The following SLC25A18 variants were observed in gnomAD, a reference collection of about 807,000 sequenced individuals.
SLC25A18 encodes solute carrier family 25 member 18, also known as mitochondrial glutamate carrier 2.
SLC25A18 carries 24 observed loss-of-function variants against 31.1 expected under a neutral mutation model. The ratio of observed to expected loss-of-function variants is 0.77; its 90% CI spans 0.56 to 1.08. The LOEUF (loss-of-function observed/expected upper bound fraction) is 1.08. Ranked by LOEUF, SLC25A18 falls within the 50% of genes least tolerant of loss-of-function variation. SLC25A18 has a pLI of 0.00. For synonymous variants in SLC25A18, 173 were observed against 161.9 expected (o/e 1.07, Z -0.52); for missense variants, 371 against 418.5 (o/e 0.89, Z 0.99).
At chr22:17,573,232 T>C (rs1321506646) in intron 2 of SLC25A18, among the ~76,000 whole-genome samples, 2 of 152,340 alleles carry the variant, frequency 1.3e-5, no homozygotes, top group South Asian at 2.1e-4. Context: ...CTCATTATTT[T>C]CTAGCAAAAC....
At chr22:17,583,330 G>A (rs2146258912) in intron 6 of SLC25A18, 86 bp from the exon 7 acceptor site, 1 of 1,560,380 alleles carries the variant, frequency 6.4e-7, no homozygotes. Context: ...TGCCATCCAG[G>A]GAAAGTCCCC....
intron 7 of SLC25A18, among the ~76,000 whole-genome samples, chr22:17,586,711 A>G (rs147686484): frequency 0.011 from 1,728 of 152,318 alleles, 41 homozygotes; most frequent in African/African-American, 0.039. Flanking sequence ...CCCAGGAGGC[A>G]GAGGTTGCAG....
At chr22:17,584,310 G>A (rs1218256113) in intron 7 of SLC25A18, among the ~76,000 whole-genome samples, 3 of 148,634 alleles carry the variant, frequency 2.0e-5, no homozygotes, top group African/African-American at 7.5e-5. Flanking sequence ...GGAGAATGGC[G>A]TGAACCTGGA....
rs78229586 is a variant in SLC25A18 at position 17,569,772 on chromosome 22, T to C, written c.-263-152T>C. Reference sequence around the variant, plus strand: ...ACTGGATAGTAGCCTCTTTGGGTTTTGCTTCAAACCCAACCTATTTGAAGG... The same window carrying C: ...ACTGGATAGTAGCCTCTTTGGGTTTCGCTTCAAACCCAACCTATTTGAAGG... On this transcript the variant is annotated intron_variant, in intron 1 of 10. Coordinates refer to ENST00000327451, the MANE Select transcript of SLC25A18 (RefSeq NM_031481.3). 2.9e-3 allele frequency: 2,868 copies of C among 985,372 alleles called. 47 individuals are homozygous for C. In the African/African-American group the frequency reaches 0.047, roughly 16 times the overall value. The allele number at this position is 985,372 out of a possible 1,614,324, so 61.0% of individuals were successfully genotyped here. A position where few individuals can be genotyped will look rare whatever the true frequency, so the allele number is the denominator to read the frequency against.
Position 17,589,573 on chromosome 22 carries a change from A to C in SLC25A18, c.731-17A>C, listed in dbSNP as rs547218564. The C allele has an allele frequency of 1.3e-4, 215 of 1,594,022 alleles. 1 individual carries two copies. The highest frequency in any genetic ancestry group is 3.8e-5 in the Non-Finnish European group (44 of 1,162,304). On this transcript the variant is annotated splice_polypyrimidine_tract_variant and intron_variant, in intron 9 of 10. Coordinates refer to ENST00000327451, the MANE Select transcript of SLC25A18 (RefSeq NM_031481.3). ...AGTAAGCTGTTCACTACTTACTTTA[A>C]CTTTTACTTGATTTAGTTCTGAAAA... is the stretch of plus-strand genomic sequence containing the variant.
At chr22:17,567,294 CTTGT>C (rs1424016562) in intron 1 of SLC25A18, among the ~76,000 whole-genome samples, 1 of 152,070 alleles carries the variant, frequency 6.6e-6, no homozygotes, top group Non-Finnish European at 1.5e-5. Flanking sequence ...ACTTAAGTAA[CTTGT>C]TTAAGGTCAC....
intron 1 of SLC25A18, among the ~76,000 whole-genome samples, chr22:17,565,597 T>G (rs894640686): frequency 2.0e-4 from 31 of 151,754 alleles, no homozygotes; most frequent in Non-Finnish European, 2.8e-4. Flanking sequence ...GACAGGTGTG[T>G]TGGCTCACGC....
At chr22:17,581,459 G>C (rs1569186990) in intron 5 of SLC25A18, 46 bp downstream of exon 5, 2 of 1,603,274 alleles carry the variant, frequency 1.2e-6, no homozygotes, top group African/African-American at 1.3e-5. Context: ...AGGTGTGAGC[G>C]TATGGGACAT....
At chr22:17,575,206 A>G (rs443708) in intron 2 of SLC25A18, among the ~76,000 whole-genome samples, 16,562 of 152,134 alleles carry the variant, frequency 0.11, 1,211 homozygotes, top group East Asian at 0.23. Context: ...GACTCTGCAC[A>G]CCTCTGAGCC....
At chr22:17,588,575 AG>A (rs2057620629) in intron 9 of SLC25A18, 1 of 160,558 alleles carries the variant, frequency 6.2e-6, no homozygotes, top group Non-Finnish European at 1.3e-5. Flanking sequence ...ATTTGAACCC[AG>A]GAGGTGGAGG....
rs547843694 is a variant in SLC25A18, at chr22:17,578,185, G to A, written c.-200-1560G>A. On this transcript the variant is annotated intron_variant, in intron 2 of 10. Transcript: ENST00000327451. ...GGGGTTTCACTATGTTGCCCAGGCTGGTCTTGAACTCCTGGGCTCAGGCGA... is the reference window on the plus strand; with the variant it reads ...GGGGTTTCACTATGTTGCCCAGGCTAGTCTTGAACTCCTGGGCTCAGGCGA... Among the ~76,000 whole-genome samples the A allele has an allele frequency of 7.9e-5, 12 of 152,046 alleles. No homozygotes were observed. The South Asian group carries it at 1.2e-3, about 16-fold the overall frequency.
Position 17,587,270 on chromosome 22 carries a change from C to T in SLC25A18, c.544C>T (p.Leu182Phe), listed in dbSNP as rs374895319. ...ELLRTQGLAG[L>F]YRGLGATLLR... ...GCTCCGCACTCAGGGCCTGGCTGGG[C>T]TCTACAGGGGCCTGGGTGCCACTCT... Residue 182 changes from leucine to phenylalanine, a missense_variant, in exon 8 of 11, where the codon CTC becomes TTC. By Grantham distance (22) the Leu-to-Phe change is conservative (BLOSUM62 0). Transcript: ENST00000327451. 7.4e-6 allele frequency: 12 copies of T among 1,613,718 alleles called. No individual in the cohort carries two copies. In the African/African-American group the frequency reaches 1.5e-4, roughly 20 times the overall value.
chr22:17,584,449 GA>G (rs2057475395), intron 7 of SLC25A18, among the ~76,000 whole-genome samples: 1 of 99,722 alleles, frequency 1.0e-5, no homozygotes, highest in Non-Finnish European at 2.0e-5. Flanking sequence ...GAAGGAAGGA[GA>G]GAGAGAGAGA....
At chr22:17,576,963 G>A (rs143456343) in intron 2 of SLC25A18, among the ~76,000 whole-genome samples, 1,923 of 151,828 alleles carry the variant, frequency 0.013, 23 homozygotes, top group African/African-American at 0.042. Context: ...GGGTTCAAGC[G>A]ATTCTCCTGC....
At chr22:17,580,006 C>T in intron 3 of SLC25A18, 42 bp downstream of exon 3, 1 of 1,593,032 alleles carries the variant, frequency 6.3e-7, no homozygotes, top group African/African-American at 1.3e-5. Flanking sequence ...GGCCCTGGGC[C>T]TGGCGGAGAG....
intron 1 of SLC25A18, among the ~76,000 whole-genome samples, chr22:17,563,964 G>A (rs2056869414): frequency 6.6e-6 from 1 of 152,170 alleles, no homozygotes; most frequent in African/African-American, 2.4e-5. Flanking sequence ...GAGTGTTGGT[G>A]TTCTCAGCCC....
chr22:17,576,308 C>T lies in SLC25A18; in HGVS notation c.-200-3437C>T, dbSNP rs529439089. 4.1e-4 allele frequency among the ~76,000 whole-genome samples: 62 copies of T among 151,664 alleles called. 1 individual carries two copies. The highest frequency in any genetic ancestry group is 8.3e-4 in the South Asian group (4 of 4,798). On this transcript the variant is annotated intron_variant, in intron 2 of 10. Coordinates refer to ENST00000327451, the MANE Select transcript of SLC25A18 (RefSeq NM_031481.3). Reference sequence around the variant, plus strand: ...CGGAGGTTACACAGTGAGCCAAGATCGCACCACTGCACTCCAGCCTGGACG... The same window carrying T: ...CGGAGGTTACACAGTGAGCCAAGATTGCACCACTGCACTCCAGCCTGGACG...
intron 9 of SLC25A18, 23 bp from the exon 10 acceptor site, chr22:17,589,567 A>ACTT (rs34661208): frequency 0.16 from 257,232 of 1,610,660 alleles, 22,457 homozygotes; most frequent in Non-Finnish European, 0.18. Context: ...TTCACTACTT[A>ACTT]CTTTAACTTT....
At chr22:17,565,413 T>C (rs897488388) in intron 1 of SLC25A18, among the ~76,000 whole-genome samples, 21 of 152,006 alleles carry the variant, frequency 1.4e-4, no homozygotes, top group African/African-American at 5.1e-4. Flanking sequence ...GATAGGGTCT[T>C]GCCAAGTTGA....
Sources: gnomAD v4.1 joint callset for allele counts (sites outside exome capture counted in the v4.1 genomes callset) on GRCh38, gnomAD v4.1.1 for gene constraint, MANE v1.5 for transcripts, NCBI Gene and HGNC (gene_info 2026-07-23, HGNC 2026-07-21) for gene names.